PDE4D: variants seen among roughly 807,000 people sequenced by gnomAD.
PDE4D encodes the protein 3',5'-cyclic-AMP phosphodiesterase 4D.
Under a neutral mutation model 87.4 loss-of-function variants are expected in PDE4D, and 24 were observed. The ratio of observed to expected loss-of-function variants is 0.27; its 90% CI spans 0.20 to 0.39. PDE4D has a LOEUF of 0.39. Ranked by LOEUF, PDE4D falls within the 10% of genes least tolerant of loss-of-function variation. PDE4D has a pLI of 1.00. For missense variants in PDE4D, 714 were observed against 1,041.0 expected (o/e 0.69, Z 4.32); for synonymous variants, 384 against 383.2 (o/e 1.00, Z -0.02).
intron 1 of PDE4D, among the ~76,000 whole-genome samples, chr5:60,263,488 G>A (rs1380695003): frequency 6.6e-6 from 1 of 151,820 alleles, no homozygotes; most frequent in Admixed American, 6.6e-5. Flanking sequence ...GTCTCCAGTA[G>A]CAGTGGGAGA....
At chr5:59,084,069 T>G (rs984375275) in intron 5 of PDE4D, among the ~76,000 whole-genome samples, 1 of 152,004 alleles carries the variant, frequency 6.6e-6, no homozygotes, top group East Asian at 1.9e-4. Flanking sequence ...TTCTAAAAAA[T>G]AAGATTAAGA....
Position 59,156,011 on chromosome 5 carries a change from C to G in PDE4D, c.808+24584G>C, listed in dbSNP as rs1354255916. 3.9e-5 allele frequency among the ~76,000 whole-genome samples: 6 copies of G among 151,924 alleles called. No individual in the cohort carries two copies. In the South Asian group the frequency reaches 1.2e-3, roughly 31 times the overall value. On this transcript the variant is annotated intron_variant, in intron 5 of 14. Transcript: ENST00000340635. ...AGGTTTGGAATTAGCATGAAGAGGA[C>G]TGAGAGAGGGGCACAGCAGGAACTA...
intron 1 of PDE4D, among the ~76,000 whole-genome samples, chr5:59,664,168 G>A (rs1022467807): frequency 6.6e-6 from 1 of 152,092 alleles, no homozygotes; most frequent in Non-Finnish European, 1.5e-5. Context: ...TACAAATGCT[G>A]TAGAACTTCA....
At chr5:59,216,634 A>G (rs1265058490) in intron 1 of PDE4D, 3 of 154,508 alleles carry the variant, frequency 1.9e-5, no homozygotes, top group African/African-American at 4.8e-5. Context: ...TCTGCTCTCA[A>G]TTGCAATTAG....
intron 1 of PDE4D, among the ~76,000 whole-genome samples, chr5:59,570,350 T>C (rs1821621593): frequency 6.6e-6 from 1 of 152,216 alleles, no homozygotes; most frequent in East Asian, 1.9e-4. Flanking sequence ...ATTGCTTCTC[T>C]AATAAATAAG....
intron 3 of PDE4D, among the ~76,000 whole-genome samples, chr5:59,981,982 T>C (rs747332507): frequency 6.6e-6 from 1 of 152,222 alleles, no homozygotes; most frequent in Admixed American, 6.5e-5. Flanking sequence ...AAGAATCCAA[T>C]GTCTAACTGG....
intron 1 of PDE4D, among the ~76,000 whole-genome samples, chr5:60,331,701 G>T (rs1359716539): frequency 6.6e-6 from 1 of 152,186 alleles, no homozygotes; most frequent in Admixed American, 6.5e-5. Context: ...GGCAAGAGGA[G>T]GGTTTAATTA....
chr5:60,003,081 G>C (rs944188901), intron 2 of PDE4D, among the ~76,000 whole-genome samples: 1 of 151,712 alleles, frequency 6.6e-6, no homozygotes, highest in African/African-American at 2.4e-5. Flanking sequence ...TCAACATACA[G>C]CAACTAGTTG....
At chr5:60,415,484 C>T (rs1742421990) in intron 1 of PDE4D, among the ~76,000 whole-genome samples, 1 of 152,204 alleles carries the variant, frequency 6.6e-6, no homozygotes, top group Non-Finnish European at 1.5e-5. Context: ...ACCGGGGCTG[C>T]GCGGCAGGCA....
intron 1 of PDE4D, among the ~76,000 whole-genome samples, chr5:60,246,134 T>C (rs1467033850): frequency 2.0e-5 from 3 of 151,864 alleles, no homozygotes; most frequent in Non-Finnish European, 4.4e-5. Context: ...CATTTTCTTA[T>C]ATAGGCATTT....
chr5:59,122,646 A>G (rs2153446927), intron 5 of PDE4D, among the ~76,000 whole-genome samples: 1 of 152,352 alleles, frequency 6.6e-6, no homozygotes, highest in South Asian at 2.1e-4. Context: ...AACCCCATAA[A>G]TATATACAGT....
rs574117691 is a variant in PDE4D, at chr5:59,013,773, G to A, written c.922-20308C>T. On this transcript the variant is annotated intron_variant, in intron 6 of 14. Transcript: ENST00000340635. ...CTATTCCAATCAATAGAAAAAGAGG[G>A]AATCCTCCCTAACTCATTTGATGAG... Among the ~76,000 whole-genome samples, 59 of 151,570 alleles carry A rather than the reference G, an allele frequency of 3.9e-4. No homozygotes were observed. The South Asian group carries it at 0.012, about 31-fold the overall frequency.
chr5:59,853,207 G>A (rs1250264481), intron 1 of PDE4D, among the ~76,000 whole-genome samples: 1 of 152,018 alleles, frequency 6.6e-6, no homozygotes, highest in Non-Finnish European at 1.5e-5. Context: ...CTGTATTCTG[G>A]GAGGAGGAAT....
At chr5:60,509,560 T>TCC (rs1216033855) in intron 1 of PDE4D, among the ~76,000 whole-genome samples, 2 of 152,104 alleles carry the variant, frequency 1.3e-5, no homozygotes, top group South Asian at 4.2e-4. Flanking sequence ...GCACCTGAGT[T>TCC]CCCCCTCCAA....
At chr5:60,404,148 G>T (rs1012558111) in intron 1 of PDE4D, among the ~76,000 whole-genome samples, 1 of 146,774 alleles carries the variant, frequency 6.8e-6, no homozygotes, top group East Asian at 2.0e-4. Flanking sequence ...CCAGCACCCC[G>T]AGTCAGCCAA....
intron 2 of PDE4D, among the ~76,000 whole-genome samples, chr5:60,146,091 A>G (rs1175693416): frequency 6.6e-6 from 1 of 152,084 alleles, no homozygotes; most frequent in African/African-American, 2.4e-5. Flanking sequence ...GCGTGCGCCT[A>G]TAGTCCCAGC....
At chr5:59,275,488 G>A (rs1764626053) in intron 1 of PDE4D, 2 of 1,534,104 alleles carry the variant, frequency 1.3e-6, no homozygotes, top group Admixed American at 2.0e-5. Context: ...AGATTTTAAA[G>A]ATATTCCATT....
chr5:59,667,415 G>A (rs1746264032), intron 1 of PDE4D, among the ~76,000 whole-genome samples: 1 of 152,024 alleles, frequency 6.6e-6, no homozygotes, highest in Non-Finnish European at 1.5e-5. Flanking sequence ...GGGCTCAATT[G>A]ATCCTCCCAC....
rs1780058872 is a variant in PDE4D at position 59,348,930 on chromosome 5, T to TC, written c.456-132963_456-132962insG. On this transcript the variant is annotated intron_variant, in intron 1 of 14. Coordinates refer to ENST00000340635, the MANE Select transcript of PDE4D (RefSeq NM_001104631.2). The stretch of plus-strand genomic sequence containing the variant: ...AAAACAGACTCTAAAATATATATTT[T>TC]TTAAGCCAGGAATGGTAGGGTGCAC... 1.6e-4 allele frequency among the ~76,000 whole-genome samples: 25 copies of TC among 151,928 alleles called. 1 individual carries two copies. The South Asian group carries it at 5.2e-3, about 32-fold the overall frequency.
Sources: allele counts gnomAD v4.1 joint callset (sites outside exome capture counted in the v4.1 genomes callset), GRCh38; gene constraint gnomAD v4.1.1; transcripts MANE v1.5; gene names NCBI Gene and HGNC (gene_info 2026-07-23, HGNC 2026-07-21).